MS4A10: variants seen among roughly 807,000 people sequenced by gnomAD.
MS4A10 encodes membrane-spanning 4-domains subfamily A member 10.
MS4A10 carries 27 observed loss-of-function variants against 27.7 expected under a neutral mutation model. The observed-to-expected ratio is 0.98, with a 90% CI of 0.72 to 1.35. MS4A10 has a LOEUF of 1.35. Among genes scored for constraint, MS4A10 ranks in the 40% most tolerant of loss-of-function variants. The probability of loss-of-function intolerance (pLI) is 0.00; values close to 1 mark genes in which losing one functional copy is unlikely to be tolerated. For synonymous variants in MS4A10, 139 were observed against 131.2 expected (o/e 1.06, Z -0.41); for missense variants, 338 against 324.7 (o/e 1.04, Z -0.32).
intron 7 of MS4A10, among the ~76,000 whole-genome samples, chr11:60,799,504 CAT>C (rs1161385186): frequency 7.2e-5 from 11 of 152,128 alleles, no homozygotes; most frequent in South Asian, 2.1e-4. Context: ...AAATAACAAA[CAT>C]GTGAAATAAA....
chr11:60,800,874 A>G lies in MS4A10; in HGVS notation c.*965A>G, dbSNP rs1006563103. The G allele has an allele frequency of 7.0e-6, 1 of 142,670 alleles. No individual in the cohort carries two copies. The highest frequency in any genetic ancestry group is 2.6e-5 in the African/African-American group (1 of 38,632). 8.8% of individuals were successfully genotyped at this position (142,670 alleles called of 1,614,324 possible). ...TGTGGTGCAATCTCGGCTCACTGCA[A>G]CCTCTGCCTCCCGAGTTCAAGCAAT... On this transcript the variant is annotated 3_prime_UTR_variant, in exon 8 of 8. Transcript: ENST00000308287.
At chr11:60,799,338 G>T (rs140261162) in intron 7 of MS4A10, among the ~76,000 whole-genome samples, 3,738 of 152,264 alleles carry the variant, frequency 0.025, 65 homozygotes, top group Non-Finnish European at 0.039. Flanking sequence ...AGTCATCTGA[G>T]GAATAGTCTT....
In MS4A10 at chr11:60,790,292, G is replaced by A. The variant is rs769636960; in HGVS notation, c.-22-22G>A. The A allele has an allele frequency of 3.4e-5, 55 of 1,602,666 alleles. No homozygotes were observed. The East Asian group carries it at 6.7e-4, about 20-fold the overall frequency. Reference sequence around the variant, plus strand: ...CCTCAGAAATGAGACGGGTTCTGACGGCCTTCCTCCCCGTCCTGCAGCCAG... The same window carrying A: ...CCTCAGAAATGAGACGGGTTCTGACAGCCTTCCTCCCCGTCCTGCAGCCAG... On this transcript the variant is annotated intron_variant, in intron 1 of 7. Transcript: ENST00000308287.
intron 5 of MS4A10, 128 bp from the exon 6 acceptor site, chr11:60,795,427 T>C: frequency 4.1e-6 from 2 of 492,580 alleles, no homozygotes; most frequent in Non-Finnish European, 6.9e-6. Flanking sequence ...CACGCACACC[T>C]GGGAGCTGAA....
intron 6 of MS4A10, 48 bp from the exon 7 acceptor site, chr11:60,798,348 G>A: frequency 7.1e-7 from 1 of 1,408,234 alleles, no homozygotes; most frequent in Non-Finnish European, 1.0e-6. Flanking sequence ...GAAGCAGCCA[G>A]TCGCTCCACA....
At chr11:60,799,641 G>A (rs952292155) in intron 7 of MS4A10, among the ~76,000 whole-genome samples, 187 bp from the exon 8 acceptor site, 12 of 152,268 alleles carry the variant, frequency 7.9e-5, no homozygotes, top group Admixed American at 7.8e-4. Flanking sequence ...CTGCCTCTGA[G>A]CCATCACCCT....
At chr11:60,790,248 A>T in intron 1 of MS4A10, 66 bp from the exon 2 acceptor site, 1 of 1,366,238 alleles carries the variant, frequency 7.3e-7, no homozygotes, top group Non-Finnish European at 1.0e-6. Context: ...TGATTGGCAG[A>T]GGCTCACCCA....
At chr11:60,786,669 T>A (rs1173664882) in intron 1 of MS4A10, among the ~76,000 whole-genome samples, 1 of 151,874 alleles carries the variant, frequency 6.6e-6, no homozygotes, top group Non-Finnish European at 1.5e-5. Flanking sequence ...CCACTCCAGA[T>A]GATAGGGATG....
chr11:60,799,288 G>A (rs182176719), intron 7 of MS4A10, among the ~76,000 whole-genome samples: 2 of 152,296 alleles, frequency 1.3e-5, no homozygotes, highest in East Asian at 3.9e-4. Context: ...AGTAAATAAT[G>A]TGAGGGAGAG....
At chr11:60,792,812 A>T (rs774724667) in intron 4 of MS4A10, among the ~76,000 whole-genome samples, 33 of 152,184 alleles carry the variant, frequency 2.2e-4, no homozygotes, top group Middle Eastern at 3.4e-3. Flanking sequence ...CCCATCTTTG[A>T]CTTACTCCTG....
chr11:60,796,345 C>G (rs1332231617), intron 6 of MS4A10, among the ~76,000 whole-genome samples: 1 of 152,116 alleles, frequency 6.6e-6, no homozygotes. Context: ...TACAGTGGCA[C>G]GATCTCGGCC....
At position 60,800,029 on chromosome 11, in the gene MS4A10, C is replaced by T. The variant is rs1481054970; in HGVS notation, c.*120C>T. The T allele has an allele frequency of 1.4e-6, 2 of 1,477,522 alleles. No individual in the cohort carries two copies. The highest frequency in any genetic ancestry group is 1.8e-6 in the Non-Finnish European group (2 of 1,088,650). 91.5% of individuals were successfully genotyped at this position (1,477,522 alleles called of 1,614,324 possible). A position where few individuals can be genotyped will look rare whatever the true frequency, so the allele number is the denominator to read the frequency against. On this transcript the variant is annotated 3_prime_UTR_variant, in exon 8 of 8. Coordinates refer to ENST00000308287, the MANE Select transcript of MS4A10 (RefSeq NM_206893.4). ...CAAAAGGCTAGAGCGATGGTCTATACAGCAAAGTCAGCCCTCACAGCTCCT... is the reference window on the plus strand; with the variant it reads ...CAAAAGGCTAGAGCGATGGTCTATATAGCAAAGTCAGCCCTCACAGCTCCT...
At chr11:60,792,063 A>G (rs1854439885) in intron 3 of MS4A10, among the ~76,000 whole-genome samples, 1 of 152,156 alleles carries the variant, frequency 6.6e-6, no homozygotes, top group South Asian at 2.1e-4. Flanking sequence ...AGGTTTGTGC[A>G]CATGGGAAGA....
At chr11:60,797,886 G>C (rs1016258887) in intron 6 of MS4A10, among the ~76,000 whole-genome samples, 5 of 152,216 alleles carry the variant, frequency 3.3e-5, no homozygotes, top group African/African-American at 1.2e-4. Context: ...CCAGTAAGTG[G>C]CCATGCCAGG....
At position 60,795,605 on chromosome 11, in the gene MS4A10, G is replaced by A. The variant is rs543696956; in HGVS notation, c.543G>A (p.Glu181=). 2 of 1,595,442 alleles carry A rather than the reference G, an allele frequency of 1.3e-6. No homozygotes were observed. Among genetic ancestry groups the A allele is most frequent in the Admixed American group, 1.7e-5 (1 of 57,858 alleles). ...ELALLCFTVL[E]LFLPVPTAVT... is the part of the protein sequence containing the mutation. ...CCTTGCTCTGCTTCACTGTCCTAGA[G>A]CTCTTCCTGCCAGTGCCCACAGCTG... is the stretch of plus-strand genomic sequence containing the variant. Residue 181 remains glutamate, a synonymous_variant, in exon 6 of 8, where the codon GAG becomes GAA. Transcript: ENST00000308287.
Position 60,800,020 on chromosome 11 carries a change from T to A in MS4A10, c.*111T>A. ...TTGCACATACAAAAGGCTAGAGCGATGGTCTATACAGCAAAGTCAGCCCTC... is the reference window on the plus strand; with the variant it reads ...TTGCACATACAAAAGGCTAGAGCGAAGGTCTATACAGCAAAGTCAGCCCTC... On this transcript the variant is annotated 3_prime_UTR_variant, in exon 8 of 8. Transcript: ENST00000308287. 3 of 1,549,728 alleles carry A rather than the reference T, an allele frequency of 1.9e-6. No homozygotes were observed. The highest frequency in any genetic ancestry group is 2.6e-6 in the Non-Finnish European group (3 of 1,138,788).
At chr11:60,795,809 GC>G in intron 6 of MS4A10, 144 bp downstream of exon 6, 2 of 493,128 alleles carry the variant, frequency 4.1e-6, no homozygotes, top group Non-Finnish European at 6.7e-6. Context: ...CTAAGTGACA[GC>G]CCACGATCCA....
chr11:60,792,409 G>C (rs970922721), intron 4 of MS4A10, 88 bp downstream of exon 4: 9 of 1,025,338 alleles, frequency 8.8e-6, no homozygotes, highest in Non-Finnish European at 1.4e-5. Flanking sequence ...GATTGTGAGG[G>C]CACTTCTCCA....
At chr11:60,786,391 G>A (rs1380435001) in intron 1 of MS4A10, among the ~76,000 whole-genome samples, 1 of 152,076 alleles carries the variant, frequency 6.6e-6, no homozygotes, top group Non-Finnish European at 1.5e-5. Flanking sequence ...ATCCACGAAT[G>A]ACAGTGTTGG....
Sources: allele counts gnomAD v4.1 joint callset (sites outside exome capture counted in the v4.1 genomes callset), GRCh38; gene constraint gnomAD v4.1.1; transcripts MANE v1.5; gene names NCBI Gene and HGNC (gene_info 2026-07-23, HGNC 2026-07-21).